Variants in NCALD observed in about 807,000 individuals in gnomAD.
NCALD encodes the protein neurocalcin-delta.
A neutral mutation model predicts 18.6 loss-of-function variants in NCALD; 10 were observed. The ratio of observed to expected loss-of-function variants is 0.54; its 90% CI spans 0.33 to 0.91. The LOEUF (loss-of-function observed/expected upper bound fraction) is 0.91. Among genes scored for constraint, NCALD ranks in the 40% least tolerant of loss-of-function variants. NCALD has a pLI of 0.03. For missense variants in NCALD, 184 were observed against 247.6 expected (o/e 0.74, Z 1.72); for synonymous variants, 88 against 87.4 (o/e 1.01, Z -0.04).
At chr8:102,060,929 T>C (rs1382473420) in intron 1 of NCALD, among the ~76,000 whole-genome samples, 2 of 152,170 alleles carry the variant, frequency 1.3e-5, no homozygotes. Flanking sequence ...CTTGGCAGCA[T>C]TATTTACATC....
At chr8:101,939,668 A>T (rs1001402873) in intron 2 of NCALD, among the ~76,000 whole-genome samples, 1 of 152,254 alleles carries the variant, frequency 6.6e-6, no homozygotes, top group Non-Finnish European at 1.5e-5. Context: ...ATTCTGATGT[A>T]ATTAATGAAA....
chr8:101,691,729 A>ACAAACCC, intron 3 of NCALD: 1 of 985,396 alleles, frequency 1.0e-6, no homozygotes, highest in African/African-American at 1.7e-5. Flanking sequence ...CCCATACCAC[A>ACAAACCC]CAAACCCAGA....
chr8:101,783,632 G>A (rs1303661514), intron 1 of NCALD, among the ~76,000 whole-genome samples: 1 of 152,194 alleles, frequency 6.6e-6, no homozygotes, highest in African/African-American at 2.4e-5. Context: ...GGACAAGGAG[G>A]ACTGAGCATG....
At chr8:101,719,022 G>A (rs1313304588) in intron 2 of NCALD, among the ~76,000 whole-genome samples, 4 of 152,048 alleles carry the variant, frequency 2.6e-5, no homozygotes, top group African/African-American at 4.8e-5. Flanking sequence ...CCTATGACCC[G>A]GGAGTCCCAC....
chr8:101,883,347 CAAAT>C (rs202243589), intron 4 of NCALD, among the ~76,000 whole-genome samples: 1,627 of 152,246 alleles, frequency 0.011, 43 homozygotes, highest in African/African-American at 0.037. Flanking sequence ...ATTTCAAAAA[CAAAT>C]AAAGAAAATA....
chr8:101,696,889 G>C (rs1410814055), intron 2 of NCALD, among the ~76,000 whole-genome samples: 1 of 152,032 alleles, frequency 6.6e-6, no homozygotes, highest in Non-Finnish European at 1.5e-5. Context: ...AATTAAAAGA[G>C]CTAGGGAAGC....
chr8:102,046,783 A>G (rs183997505), intron 1 of NCALD, among the ~76,000 whole-genome samples: 2 of 149,928 alleles, frequency 1.3e-5, no homozygotes, highest in Admixed American at 1.3e-4. Flanking sequence ...CTGGCTCACA[A>G]TGAGTTTTTT....
rs1185815577 is a variant in NCALD, at chr8:101,688,535, A to G, written c.*774T>C. ...ATGCATTTCATTTAAACAAGGCAAAACACTTAATTTGGTCTGCATTACCCA... is the reference window on the plus strand; with the variant it reads ...ATGCATTTCATTTAAACAAGGCAAAGCACTTAATTTGGTCTGCATTACCCA... On this transcript the variant is annotated 3_prime_UTR_variant, in exon 4 of 4. Coordinates refer to ENST00000220931, the MANE Select transcript of NCALD (RefSeq NM_032041.3). The G allele has an allele frequency of 8.0e-6, 3 of 374,128 alleles. No individual in the cohort carries two copies. Among genetic ancestry groups the G allele is most frequent in the East Asian group, 7.3e-5 (1 of 13,792 alleles). The allele number at this position is 374,128 out of a possible 1,614,324, so 23.2% of individuals were successfully genotyped here. A position where few individuals can be genotyped will look rare whatever the true frequency, so the allele number is the denominator to read the frequency against.
At position 101,719,305 on chromosome 8, in the gene NCALD, C is replaced by T. The variant is rs1263473949; in HGVS notation, c.325G>A (p.Asp109Asn). ...CTGATATAGCCATTTCCGTCCAGGT[C>T]GTACATGCTGAAGGCCCATTTCAGC... ...QKLKWAFSMY[D>N]LDGNGYISKA... The change falls in exon 2 of 4, where the codon GAC becomes AAC. Residue 109 changes from aspartate to asparagine, a missense_variant. Coordinates refer to ENST00000220931, the MANE Select transcript of NCALD (RefSeq NM_032041.3). 6 of 1,614,180 alleles carry T rather than the reference C, an allele frequency of 3.7e-6. No homozygotes were observed. The highest frequency in any genetic ancestry group is 2.2e-5 in the East Asian group (1 of 44,886).
intron 2 of NCALD, among the ~76,000 whole-genome samples, chr8:101,987,699 C>G (rs1311661714): frequency 6.6e-6 from 1 of 152,264 alleles, no homozygotes. Context: ...ATGGATATTC[C>G]AGAGTCCAAG....
At chr8:102,105,728 C>T (rs912260117) in intron 1 of NCALD, among the ~76,000 whole-genome samples, 2 of 152,126 alleles carry the variant, frequency 1.3e-5, no homozygotes, top group African/African-American at 4.8e-5. Flanking sequence ...TACTTTGATT[C>T]ACTGTCATGG....
chr8:101,919,016 C>T (rs1818070359), intron 2 of NCALD, among the ~76,000 whole-genome samples: 1 of 151,972 alleles, frequency 6.6e-6, no homozygotes, highest in African/African-American at 2.4e-5. Context: ...TCATATAGAA[C>T]CAAATTCTAT....
chr8:101,770,601 C>T (rs909429326), intron 1 of NCALD, among the ~76,000 whole-genome samples: 7 of 152,218 alleles, frequency 4.6e-5, no homozygotes, highest in Admixed American at 1.3e-4. Context: ...AAAGTTAGAG[C>T]GAGTGGCTTG....
chr8:101,870,870 A>G (rs1436336418), intron 4 of NCALD, among the ~76,000 whole-genome samples: 1 of 149,032 alleles, frequency 6.7e-6, no homozygotes, highest in Non-Finnish European at 1.5e-5. Context: ...AAAAGGGTTC[A>G]AGGGACTATG....
At chr8:101,877,837 C>T (rs1816292960) in intron 4 of NCALD, among the ~76,000 whole-genome samples, 1 of 152,116 alleles carries the variant, frequency 6.6e-6, no homozygotes, top group South Asian at 2.1e-4. Context: ...GCTGTTTGAA[C>T]ACCTCCCCAT....
At chr8:102,012,463 A>G (rs1282200605) in intron 2 of NCALD, among the ~76,000 whole-genome samples, 4 of 152,234 alleles carry the variant, frequency 2.6e-5, no homozygotes, top group African/African-American at 9.6e-5. Context: ...CCAAATCAGC[A>G]TTACATCAGG....
In NCALD at chr8:102,006,589, T is replaced by C. The variant is rs141809464; in HGVS notation, c.-157+13648A>G. 1.1e-4 allele frequency among the ~76,000 whole-genome samples: 17 copies of C among 152,296 alleles called. No individual in the cohort carries two copies. The East Asian group carries it at 2.9e-3, about 26-fold the overall frequency. ...GAGTTCCTCTAACAGGAGGCACCAGTAGAAGATCCGAGCTAGAGGAGGTAA... is the reference window on the plus strand; with the variant it reads ...GAGTTCCTCTAACAGGAGGCACCAGCAGAAGATCCGAGCTAGAGGAGGTAA... On this transcript the variant is annotated intron_variant, in intron 2 of 6. Transcript: ENST00000311028.
At position 101,689,356 on chromosome 8, in the gene NCALD, T is replaced by C. The variant is rs1336690615; in HGVS notation, c.535A>G (p.Ile179Val). The change falls in exon 4 of 4, where the codon ATT becomes GTT. Residue 179 changes from isoleucine to valine, a missense_variant. Ile to Val is a conservative substitution (Grantham distance 29, BLOSUM62 3). Transcript: ENST00000220931. This position sits in a 1 kb window ranked among gnomAD's most constrained non-coding sequence, Gnocchi z 4.4. ...FIRGAKSDPS[I>V]VRLLQCDPSS... ...GGGTCGCACTGCAGGAGGCGCACAA[T>C]GGACGGGTCGCTTTTGGCTCCTCGG... 1.9e-6 allele frequency: 3 copies of C among 1,613,266 alleles called. No individual in the cohort carries two copies. The Admixed American group carries it at 5.0e-5, about 27-fold the overall frequency.
At chr8:102,079,425 T>C (rs562036262) in intron 1 of NCALD, among the ~76,000 whole-genome samples, 2 of 152,350 alleles carry the variant, frequency 1.3e-5, no homozygotes, top group East Asian at 1.9e-4. Flanking sequence ...GTCTTTCTCA[T>C]GACATCTGCT....
Sources: gnomAD v4.1 joint callset for allele counts (sites outside exome capture counted in the v4.1 genomes callset) on GRCh38, gnomAD v4.1.1 for gene constraint, Gnocchi (gnomAD v3.1) non-coding constraint, MANE v1.5 for transcripts, NCBI Gene and HGNC (gene_info 2026-07-23, HGNC 2026-07-21) for gene names.